PALLD: variants seen among roughly 807,000 people sequenced by gnomAD.
The protein encoded by PALLD is palladin, cytoskeletal associated protein, also known as palladin.
Under a neutral mutation model 123.5 loss-of-function variants are expected in PALLD, and 61 were observed. That is an observed-to-expected ratio of 0.49 (90% CI 0.40 to 0.61). The LOEUF (loss-of-function observed/expected upper bound fraction) is 0.61, where lower values mean the gene tolerates loss of function less well. PALLD is among the 20% of genes least tolerant of loss of function. PALLD has a pLI of 0.00. For missense variants in PALLD, 1,273 were observed against 1,377.0 expected (o/e 0.92, Z 1.20); for synonymous variants, 465 against 496.4 (o/e 0.94, Z 0.84).
intron 10 of PALLD, among the ~76,000 whole-genome samples, chr4:168,778,471 C>T (rs557532768): frequency 2.0e-5 from 3 of 152,248 alleles, no homozygotes; most frequent in Non-Finnish European, 4.4e-5. Context: ...CTTAAGCTTG[C>T]ATCTTTGCTT....
intron 17 of PALLD, among the ~76,000 whole-genome samples, chr4:168,918,420 G>C (rs1162172408): frequency 6.6e-6 from 1 of 152,000 alleles, no homozygotes; most frequent in Non-Finnish European, 1.5e-5. Flanking sequence ...AATGTTAAGT[G>C]AAATAGGCCA....
intron 10 of PALLD, among the ~76,000 whole-genome samples, chr4:168,866,105 A>G (rs1750239801): frequency 6.6e-6 from 1 of 151,980 alleles, no homozygotes. Context: ...TACTAAAAAA[A>G]AAAAAAAAAT....
At chr4:168,777,366 A>G (rs961885448) in intron 10 of PALLD, among the ~76,000 whole-genome samples, 6 of 152,222 alleles carry the variant, frequency 3.9e-5, no homozygotes, top group Admixed American at 3.9e-4. Flanking sequence ...CAGTCTTGAC[A>G]CAGGACTTCC....
At chr4:168,576,040 CA>C (rs1483617617) in intron 2 of PALLD, among the ~76,000 whole-genome samples, 1 of 152,022 alleles carries the variant, frequency 6.6e-6, no homozygotes, top group Non-Finnish European at 1.5e-5. Context: ...AGGATAAAAT[CA>C]TCTATGGAAT....
chr4:168,600,622 C>A (rs1772550478), intron 2 of PALLD, among the ~76,000 whole-genome samples: 1 of 151,968 alleles, frequency 6.6e-6, no homozygotes, highest in Non-Finnish European at 1.5e-5. Flanking sequence ...AACATGAACC[C>A]AGAATTTCTC....
intron 2 of PALLD, among the ~76,000 whole-genome samples, chr4:168,566,969 G>T (rs184185415): frequency 6.6e-6 from 1 of 152,118 alleles, no homozygotes; most frequent in Non-Finnish European, 1.5e-5. Flanking sequence ...GAAACATGTT[G>T]TCTTAATTGA....
intron 2 of PALLD, among the ~76,000 whole-genome samples, chr4:168,663,061 G>A (rs1478189077): frequency 2.0e-5 from 3 of 152,174 alleles, no homozygotes; most frequent in Admixed American, 6.5e-5. Context: ...AACTGTGGCC[G>A]ATATTAAACT....
At chr4:168,847,201 T>C (rs564649554) in intron 10 of PALLD, among the ~76,000 whole-genome samples, 2 of 152,356 alleles carry the variant, frequency 1.3e-5, no homozygotes, top group African/African-American at 2.4e-5. Context: ...AATAATCTCA[T>C]TTCTAGACAT....
chr4:168,611,028 A>AC (rs1250207275), intron 2 of PALLD, among the ~76,000 whole-genome samples: 1 of 152,182 alleles, frequency 6.6e-6, no homozygotes, highest in African/African-American at 2.4e-5. Flanking sequence ...GGAACAGTTG[A>AC]CCAGTGTGAT....
intron 10 of PALLD, among the ~76,000 whole-genome samples, chr4:168,785,531 C>A (rs1736591755): frequency 6.6e-6 from 1 of 151,928 alleles, no homozygotes; most frequent in African/African-American, 2.4e-5. Flanking sequence ...GAACATTTAC[C>A]CTTTGATCCA....
Position 168,670,762 on chromosome 4 carries a change from AAAC to A in PALLD, c.1087+2397_1087+2399del, listed in dbSNP as rs1780158914. On this transcript the variant is annotated intron_variant, in intron 3 of 21. Coordinates refer to ENST00000505667, the MANE Select transcript of PALLD (RefSeq NM_001166108.2). ...CTCAAAAAAACAAAAAAAACAAAAA[AAAC>A]AAAAAAAAACAAAAAAAAAAAAACA... 6.0e-5 allele frequency among the ~76,000 whole-genome samples: 6 copies of A among 99,624 alleles called. 1 individual carries two copies. Among genetic ancestry groups the A allele is most frequent in the East Asian group, 2.4e-4 (1 of 4,252 alleles). The allele number at this position is 99,624 out of a possible 152,430, so 65.4% of individuals were successfully genotyped here. A position where few individuals can be genotyped will look rare whatever the true frequency, so the allele number is the denominator to read the frequency against.
intron 1 of PALLD, among the ~76,000 whole-genome samples, chr4:168,499,289 AGGGAGGAT>A (rs1398191419): frequency 7.5e-4 from 44 of 58,778 alleles, no homozygotes; most frequent in African/African-American, 3.0e-3. Flanking sequence ...GGAGGATGGG[AGGGAGGAT>A]GGGAGGGAGG....
At chr4:168,519,552 A>G (rs1218365928) in intron 2 of PALLD, among the ~76,000 whole-genome samples, 2 of 151,866 alleles carry the variant, frequency 1.3e-5, no homozygotes. Context: ...GTGTTTCAGT[A>G]GAATATTATA....
At chr4:168,710,029 GA>G (rs1784683974) in intron 9 of PALLD, among the ~76,000 whole-genome samples, 2 of 152,048 alleles carry the variant, frequency 1.3e-5, no homozygotes, top group Admixed American at 1.3e-4. Flanking sequence ...ATCCACTGTT[GA>G]AACTTCTGAA....
chr4:168,886,478 C>T (rs370780449), intron 10 of PALLD, among the ~76,000 whole-genome samples: 16 of 151,952 alleles, frequency 1.1e-4, no homozygotes, highest in African/African-American at 3.4e-4. Flanking sequence ...CCTGTCCCTA[C>T]AAAAAATGGA....
At chr4:168,820,033 C>T (rs912710146) in intron 10 of PALLD, among the ~76,000 whole-genome samples, 4 of 152,198 alleles carry the variant, frequency 2.6e-5, no homozygotes, top group East Asian at 1.9e-4. Flanking sequence ...TCTCCTGTGG[C>T]GAACTTAAAC....
At chr4:168,573,064 C>T (rs1769162337) in intron 2 of PALLD, among the ~76,000 whole-genome samples, 2 of 151,766 alleles carry the variant, frequency 1.3e-5, no homozygotes, top group Admixed American at 6.6e-5. Context: ...CCACTCTTCT[C>T]CCCAACTCAC....
At chr4:168,578,337 C>G (rs1769857681) in intron 2 of PALLD, among the ~76,000 whole-genome samples, 1 of 151,984 alleles carries the variant, frequency 6.6e-6, no homozygotes, top group Admixed American at 6.6e-5. Flanking sequence ...TAGGAGGGAC[C>G]CAGTGGGAGG....
chr4:168,893,785 G>A (rs1006792105), intron 11 of PALLD, among the ~76,000 whole-genome samples: 1 of 152,164 alleles, frequency 6.6e-6, no homozygotes, highest in Non-Finnish European at 1.5e-5. Context: ...TAGGTAAAAC[G>A]GTTTGGGCCA....
Sources: allele counts gnomAD v4.1 joint callset (sites outside exome capture counted in the v4.1 genomes callset), GRCh38; gene constraint gnomAD v4.1.1; transcripts MANE v1.5; gene names NCBI Gene and HGNC (gene_info 2026-07-23, HGNC 2026-07-21).